Variants in NDUFAF6 observed in about 807,000 individuals in gnomAD.
NDUFAF6 encodes the protein NADH dehydrogenase (ubiquinone) complex I, assembly factor 6.
In NDUFAF6, 45 loss-of-function variants were observed where a neutral mutation model predicts 40.8. That is an observed-to-expected ratio of 1.10 (90% confidence interval 0.87 to 1.42). The LOEUF is 1.42. Ranked by LOEUF, NDUFAF6 falls within the 40% of genes most tolerant of loss-of-function variation. The probability of loss-of-function intolerance (pLI) is 0.00; values close to 1 mark genes in which losing one functional copy is unlikely to be tolerated. For synonymous variants in NDUFAF6, 185 were observed against 155.9 expected (o/e 1.19, Z -1.39); for missense variants, 435 against 418.5 (o/e 1.04, Z -0.34).
chr8:94,986,258 C>T (rs1057026689), intron 2 of NDUFAF6, among the ~76,000 whole-genome samples: 12 of 152,192 alleles, frequency 7.9e-5, no homozygotes, highest in Non-Finnish European at 1.5e-5. Context: ...GGGCAGACCA[C>T]TCAAAACATT....
chr8:94,923,660 C>T (rs1819650996), intron 1 of NDUFAF6, among the ~76,000 whole-genome samples: 2 of 151,490 alleles, frequency 1.3e-5, no homozygotes, highest in Admixed American at 1.3e-4. Flanking sequence ...GTGTAGCTTA[C>T]AATAGATACT....
At chr8:95,055,530 A>T (rs182931328) in intron 8 of NDUFAF6, among the ~76,000 whole-genome samples, 5 of 152,178 alleles carry the variant, frequency 3.3e-5, no homozygotes, top group Non-Finnish European at 7.3e-5. Context: ...TTTGTTAACT[A>T]TTCCTTATAA....
chr8:95,072,348 A>C (rs1346185278), intron 9 of NDUFAF6, among the ~76,000 whole-genome samples: 1 of 152,206 alleles, frequency 6.6e-6, no homozygotes, highest in Non-Finnish European at 1.5e-5. Flanking sequence ...AGGCTGCAGC[A>C]TCCTTTATAC....
chr8:94,899,151 G>A (rs1191932880), intron 1 of NDUFAF6, among the ~76,000 whole-genome samples: 2 of 152,148 alleles, frequency 1.3e-5, no homozygotes, highest in East Asian at 1.9e-4. Context: ...CGCCCGCCTC[G>A]GCCTCCCAAA....
chr8:95,006,232 C>A (rs1405096282), intron 2 of NDUFAF6, among the ~76,000 whole-genome samples: 1 of 151,794 alleles, frequency 6.6e-6, no homozygotes, highest in African/African-American at 2.4e-5. Flanking sequence ...ATGCTGGACG[C>A]CTGTAATCCC....
intron 4 of NDUFAF6, among the ~76,000 whole-genome samples, chr8:95,108,866 G>A (rs1043961822): frequency 3.3e-5 from 5 of 151,976 alleles, no homozygotes; most frequent in African/African-American, 1.2e-4. Context: ...ATTGAAAGCA[G>A]GGATTCCAAT....
chr8:94,918,061 T>A (rs989404036), intron 1 of NDUFAF6, among the ~76,000 whole-genome samples: 2 of 152,182 alleles, frequency 1.3e-5, no homozygotes, highest in Non-Finnish European at 2.9e-5. Context: ...CTTTCTAACT[T>A]GCTCTGGATT....
At chr8:94,995,048 C>G (rs1826362309) in intron 2 of NDUFAF6, among the ~76,000 whole-genome samples, 2 of 152,186 alleles carry the variant, frequency 1.3e-5, no homozygotes, top group Non-Finnish European at 1.5e-5. Context: ...CAGCATTATT[C>G]ATAATAGCCA....
At chr8:94,899,500 T>TCACAAA (rs1446318338) in intron 1 of NDUFAF6, among the ~76,000 whole-genome samples, 32 of 152,198 alleles carry the variant, frequency 2.1e-4, no homozygotes, top group South Asian at 2.1e-4. Context: ...ATTAACTCCT[T>TCACAAA]CAATCTTCCA....
At chr8:94,937,735 CTA>C (rs1328126947) in intron 1 of NDUFAF6, among the ~76,000 whole-genome samples, 9 of 152,234 alleles carry the variant, frequency 5.9e-5, no homozygotes, top group Admixed American at 2.0e-4. Context: ...GAAGCTGTAA[CTA>C]TGTTTTTAAA....
intron 1 of NDUFAF6, among the ~76,000 whole-genome samples, chr8:94,941,322 G>A (rs1821509703): frequency 6.6e-6 from 1 of 152,140 alleles, no homozygotes; most frequent in Admixed American, 6.6e-5. Flanking sequence ...AAGGGAAAGA[G>A]TTGGTTCTTT....
chr8:95,084,095 T>C (rs1046740053), intron 2 of NDUFAF6, among the ~76,000 whole-genome samples: 2 of 152,170 alleles, frequency 1.3e-5, no homozygotes, highest in African/African-American at 4.8e-5. Context: ...AAAAATTCAT[T>C]CTTCCTATAT....
At chr8:94,968,719 G>T (rs1015965651) in intron 1 of NDUFAF6, among the ~76,000 whole-genome samples, 8 of 152,180 alleles carry the variant, frequency 5.3e-5, no homozygotes, top group Non-Finnish European at 1.2e-4. Context: ...AAAAATCTAC[G>T]ATGTGGGCAG....
At chr8:95,017,841 T>C (rs918339775) in intron 2 of NDUFAF6, among the ~76,000 whole-genome samples, 3 of 152,214 alleles carry the variant, frequency 2.0e-5, no homozygotes, top group African/African-American at 4.8e-5. Flanking sequence ...TCTGCAATCA[T>C]GTGCACTTGG....
downstream of NDUFAF6, among the ~76,000 whole-genome samples, chr8:95,062,615 A>G (rs534268669): frequency 5.4e-4 from 83 of 152,314 alleles, 1 homozygote; most frequent in African/African-American, 2.0e-3. Flanking sequence ...CTTGTGACCA[A>G]TTGGTTCAGG....
intron 1 of NDUFAF6, among the ~76,000 whole-genome samples, chr8:94,958,522 C>CT (rs55703438): frequency 0.16 from 11,592 of 71,072 alleles, 2,882 homozygotes; most frequent in African/African-American, 0.22. Flanking sequence ...TAGTCACATT[C>CT]TTTTTTTTTT....
At chr8:95,064,464 G>A (rs1832651290) in intron 9 of NDUFAF6, among the ~76,000 whole-genome samples, 1 of 152,066 alleles carries the variant, frequency 6.6e-6, no homozygotes, top group Non-Finnish European at 1.5e-5. Flanking sequence ...ACACAAAAGT[G>A]TAAAGGGAAA....
chr8:95,066,304 T>C (rs1210261987), intron 9 of NDUFAF6, among the ~76,000 whole-genome samples: 1 of 148,104 alleles, frequency 6.8e-6, no homozygotes, highest in East Asian at 2.0e-4. Context: ...TTTTTTTTTT[T>C]TTTTTTGAGA....
rs575204843 is a variant in NDUFAF6 at position 95,008,175 on chromosome 8, C to CCT, written c.-83-23815_-83-23814dup. ...CAGCTCTGTGCTCATTTATCCTTCT[C>CCT]CTCTCTTACCACAAGCCAAGAATAT... On this transcript the variant is annotated intron_variant, in intron 2 of 9. Transcript: ENST00000396111. Among the ~76,000 whole-genome samples the CCT allele has an allele frequency of 2.5e-3, 380 of 152,340 alleles. 4 individuals carry two copies. Among genetic ancestry groups the CCT allele is most frequent in the African/African-American group, 8.7e-3 (362 of 41,580 alleles).
Sources: allele counts gnomAD v4.1 joint callset (sites outside exome capture counted in the v4.1 genomes callset), GRCh38; gene constraint gnomAD v4.1.1; transcripts MANE v1.5; gene names NCBI Gene and HGNC (gene_info 2026-07-23, HGNC 2026-07-21).